SLC16A7: variants seen among roughly 807,000 people sequenced by gnomAD.
The protein encoded by SLC16A7 is solute carrier family 16 member 7, also known as monocarboxylate transporter 2.
A neutral mutation model predicts 34.9 loss-of-function variants in SLC16A7; 33 were observed. The observed-to-expected ratio is 0.94, with a 90% confidence interval of 0.72 to 1.26. The LOEUF (loss-of-function observed/expected upper bound fraction) is 1.26, where lower values mean the gene tolerates loss of function less well. Among genes scored for constraint, SLC16A7 ranks in the 50% most tolerant of loss-of-function variants. The pLI is 0.00. For missense variants in SLC16A7, 573 were observed against 578.1 expected (o/e 0.99, Z 0.09); for synonymous variants, 201 against 206.6 (o/e 0.97, Z 0.23).
At chr12:59,614,091 C>T (rs1218172793) in intron 1 of SLC16A7, among the ~76,000 whole-genome samples, 1 of 150,000 alleles carries the variant, frequency 6.7e-6, no homozygotes, top group Non-Finnish European at 1.5e-5. Context: ...CACTCTGTCA[C>T]CCAAGCTGGA....
intron 2 of SLC16A7, among the ~76,000 whole-genome samples, chr12:59,665,764 C>CAT (rs1358723273): frequency 1.3e-5 from 2 of 151,528 alleles, no homozygotes; most frequent in East Asian, 3.9e-4. Flanking sequence ...CACACACACA[C>CAT]ATATATGTAA....
intron 1 of SLC16A7, among the ~76,000 whole-genome samples, chr12:59,642,326 T>TG (rs781000523): frequency 5.1e-4 from 77 of 152,074 alleles, no homozygotes; most frequent in Admixed American, 1.4e-3. Context: ...AACCTATTTC[T>TG]GCCCTTCATT....
intron 3 of SLC16A7, among the ~76,000 whole-genome samples, chr12:59,746,892 T>A (rs1878955409): frequency 6.6e-6 from 1 of 152,154 alleles, no homozygotes. Context: ...TGGAGTGTAG[T>A]GACGATCATA....
intron 1 of SLC16A7, among the ~76,000 whole-genome samples, chr12:59,623,831 A>G (rs1879805636): frequency 6.6e-6 from 1 of 151,582 alleles, no homozygotes; most frequent in Non-Finnish European, 1.5e-5. Flanking sequence ...AGCACTAAGT[A>G]TGATGTTACA....
intron 3 of SLC16A7, among the ~76,000 whole-genome samples, chr12:59,706,218 C>G (rs1286051079): frequency 6.6e-6 from 1 of 152,120 alleles, no homozygotes; most frequent in Non-Finnish European, 1.5e-5. Flanking sequence ...TTCTATAAAC[C>G]TGATTCAATT....
At chr12:59,719,734 AT>A (rs199836442) in intron 3 of SLC16A7, 1 of 220,804 alleles carries the variant, frequency 4.5e-6, no homozygotes, top group Non-Finnish European at 8.8e-6. Context: ...TCATTGAGAG[AT>A]TTTTTACCCC....
intron 1 of SLC16A7, among the ~76,000 whole-genome samples, chr12:59,627,177 G>T (rs1193738558): frequency 6.6e-6 from 1 of 151,754 alleles, no homozygotes; most frequent in Non-Finnish European, 1.5e-5. Flanking sequence ...CATTGACCTG[G>T]AACCCAAGAG....
intron 3 of SLC16A7, among the ~76,000 whole-genome samples, chr12:59,769,687 AATAATT>A (rs1162374358): frequency 8.5e-5 from 13 of 152,092 alleles, no homozygotes; most frequent in African/African-American, 2.9e-4. Flanking sequence ...GAATAAAAAT[AATAATT>A]ATATTTGTAT....
intron 2 of SLC16A7, among the ~76,000 whole-genome samples, chr12:59,661,045 A>G (rs1005357597): frequency 2.0e-5 from 3 of 152,106 alleles, no homozygotes; most frequent in Admixed American, 2.0e-4. Context: ...ATCATATTAC[A>G]TTTTATAACA....
At chr12:59,742,138 G>A (rs1031412583) in intron 3 of SLC16A7, among the ~76,000 whole-genome samples, 35 of 152,134 alleles carry the variant, frequency 2.3e-4, no homozygotes, top group African/African-American at 8.2e-4. Context: ...CTTGGGAAGT[G>A]AGCATGAGCA....
chr12:59,695,690 G>A (rs1473998540), intron 2 of SLC16A7, among the ~76,000 whole-genome samples: 1 of 152,046 alleles, frequency 6.6e-6, no homozygotes, highest in Non-Finnish European at 1.5e-5. Flanking sequence ...CTGGATATAA[G>A]GCAGACACTG....
chr12:59,741,844 T>TG (rs1433346119), intron 3 of SLC16A7, among the ~76,000 whole-genome samples: 8 of 152,300 alleles, frequency 5.3e-5, no homozygotes, highest in Middle Eastern at 6.8e-3. Context: ...GAGTTACTGG[T>TG]GGTGAATCCA....
intron 1 of SLC16A7, among the ~76,000 whole-genome samples, chr12:59,647,189 A>G (rs1868262774): frequency 6.6e-6 from 1 of 152,090 alleles, no homozygotes; most frequent in Non-Finnish European, 1.5e-5. Context: ...TGGGGGTGGA[A>G]TGATATGGTT....
chr12:59,727,170 A>ATATAAAATATATATATATATATATAAT (rs1555174538), intron 3 of SLC16A7, among the ~76,000 whole-genome samples: 10 of 144,378 alleles, frequency 6.9e-5, no homozygotes, highest in African/African-American at 2.4e-4. Context: ...ATATATATAT[A>ATATAAAATATATATATATATATATAAT]ATATATATAT....
chr12:59,695,086 A>T (rs182331604), intron 2 of SLC16A7, among the ~76,000 whole-genome samples: 2 of 151,832 alleles, frequency 1.3e-5, no homozygotes, highest in South Asian at 4.1e-4. Flanking sequence ...TATAAATTAT[A>T]TTAATTTTTT....
Position 59,774,167 on chromosome 12 carries a change from G to T in SLC16A7, c.362-490G>T, listed in dbSNP as rs182856253. Among the ~76,000 whole-genome samples, 9 of 152,288 alleles carry T rather than the reference G, an allele frequency of 5.9e-5. No individual in the cohort carries two copies. In the East Asian group the frequency reaches 1.4e-3, roughly 23 times the overall value. Reference sequence around the variant, plus strand: ...TAGTATTGAAACAAATGTTTGTGGGGAGACATAAGATTGTTACAAATTACG... The same window carrying T: ...TAGTATTGAAACAAATGTTTGTGGGTAGACATAAGATTGTTACAAATTACG... On this transcript the variant is annotated intron_variant, in intron 4 of 5. Coordinates refer to ENST00000547379, the MANE Select transcript of SLC16A7 (RefSeq NM_001270623.2).
chr12:59,714,587 T>A (rs1874666936), intron 3 of SLC16A7, among the ~76,000 whole-genome samples: 1 of 151,440 alleles, frequency 6.6e-6, no homozygotes, highest in Non-Finnish European at 1.5e-5. Flanking sequence ...CCTTTTGAGA[T>A]GGAGTCTTGC....
At chr12:59,740,345 A>G (rs1443316443) in intron 3 of SLC16A7, among the ~76,000 whole-genome samples, 4 of 152,158 alleles carry the variant, frequency 2.6e-5, no homozygotes, top group Non-Finnish European at 5.9e-5. Flanking sequence ...GTCCAAGATC[A>G]GATAGTTGTA....
At chr12:59,659,073 T>G (rs898077932) in intron 2 of SLC16A7, among the ~76,000 whole-genome samples, 6 of 152,078 alleles carry the variant, frequency 3.9e-5, no homozygotes, top group African/African-American at 1.4e-4. Flanking sequence ...TTATTTTGCC[T>G]CGTACCTTTA....
Sources: gnomAD v4.1 joint callset for allele counts (sites outside exome capture counted in the v4.1 genomes callset) on GRCh38, gnomAD v4.1.1 for gene constraint, MANE v1.5 for transcripts, NCBI Gene and HGNC (gene_info 2026-07-23, HGNC 2026-07-21) for gene names.